The following ACBD6 variants were observed in gnomAD, a reference collection of about 807,000 sequenced individuals.
ACBD6 encodes the protein acyl-CoA binding domain containing 6.
ACBD6 carries 28 observed loss-of-function variants against 37.2 expected under a neutral mutation model. That is an observed-to-expected ratio of 0.75 (90% CI 0.56 to 1.03). The LOEUF is 1.03. Among genes scored for constraint, ACBD6 ranks in the 50% least tolerant of loss-of-function variants. The pLI, the probability that ACBD6 is intolerant of heterozygous loss-of-function variation, is 0.00. For synonymous variants in ACBD6, 113 were observed against 126.8 expected (o/e 0.89, Z 0.73); for missense variants, 340 against 337.4 (o/e 1.01, Z -0.06).
chr1:180,448,906 T>C (rs538666535), intron 3 of ACBD6, among the ~76,000 whole-genome samples: 3 of 152,290 alleles, frequency 2.0e-5, no homozygotes, highest in African/African-American at 7.2e-5. Flanking sequence ...TTGTTACAGA[T>C]ATTGCTCAAG....
At chr1:180,393,627 C>T (rs576900380) in intron 6 of ACBD6, among the ~76,000 whole-genome samples, 1 of 152,222 alleles carries the variant, frequency 6.6e-6, no homozygotes, top group South Asian at 2.1e-4. Flanking sequence ...ATTTGAAAAG[C>T]GTTTTCAATA....
chr1:180,404,887 C>T (rs1247514599), intron 5 of ACBD6, among the ~76,000 whole-genome samples: 1 of 152,174 alleles, frequency 6.6e-6, no homozygotes, highest in Non-Finnish European at 1.5e-5. Context: ...ATTTAAGCTA[C>T]TTTCACTATT....
At chr1:180,424,472 T>C (rs1648504744) in intron 4 of ACBD6, among the ~76,000 whole-genome samples, 2 of 152,086 alleles carry the variant, frequency 1.3e-5, no homozygotes, top group South Asian at 2.1e-4. Context: ...GCCAATGTGG[T>C]TGGAACAGAG....
chr1:180,493,874 T>C (rs1651624841), intron 2 of ACBD6, among the ~76,000 whole-genome samples: 1 of 152,240 alleles, frequency 6.6e-6, no homozygotes, highest in African/African-American at 2.4e-5. Flanking sequence ...CAATTTGAAT[T>C]TGTCTAATTG....
At chr1:180,436,614 G>A (rs965668634) in intron 3 of ACBD6, among the ~76,000 whole-genome samples, 1 of 152,144 alleles carries the variant, frequency 6.6e-6, no homozygotes, top group African/African-American at 2.4e-5. Flanking sequence ...CTGTATGATT[G>A]TAATCACATG....
chr1:180,443,247 C>G (rs1040013379), intron 3 of ACBD6, among the ~76,000 whole-genome samples: 4 of 152,162 alleles, frequency 2.6e-5, no homozygotes, highest in African/African-American at 9.7e-5. Context: ...AAGTGAAACC[C>G]TTCTGAAGCC....
intron 3 of ACBD6, among the ~76,000 whole-genome samples, chr1:180,449,748 C>T (rs1230145615): frequency 4.6e-5 from 7 of 151,606 alleles, no homozygotes; most frequent in Admixed American, 2.0e-4. Context: ...GAACATCACA[C>T]ACCGGGGCCT....
At chr1:180,487,707 C>G (rs1378980954) in intron 3 of ACBD6, among the ~76,000 whole-genome samples, 1 of 152,034 alleles carries the variant, frequency 6.6e-6, no homozygotes, top group Non-Finnish European at 1.5e-5. Context: ...AGAAAAAAAT[C>G]ATATGCTGAG....
intron 6 of ACBD6, among the ~76,000 whole-genome samples, chr1:180,330,254 A>ATTTTT (rs58036413): frequency 1.4e-5 from 2 of 143,460 alleles, no homozygotes; most frequent in African/African-American, 5.1e-5. Flanking sequence ...CTCTATAAGA[A>ATTTTT]TTTTTTTTTT....
chr1:180,349,521 C>T (rs556822627), intron 6 of ACBD6, among the ~76,000 whole-genome samples: 76 of 152,022 alleles, frequency 5.0e-4, no homozygotes, highest in Non-Finnish European at 9.1e-4. Context: ...TCCCAAAATG[C>T]TGGGATTACA....
chr1:180,438,968 T>C (rs1649171827), intron 3 of ACBD6, among the ~76,000 whole-genome samples: 1 of 152,188 alleles, frequency 6.6e-6, no homozygotes, highest in African/African-American at 2.4e-5. Context: ...CTAGTGATCT[T>C]TTCACTGCTT....
intron 6 of ACBD6, among the ~76,000 whole-genome samples, chr1:180,330,447 A>AACAG (rs1224898985): frequency 6.6e-6 from 1 of 151,934 alleles, no homozygotes; most frequent in East Asian, 1.9e-4. Flanking sequence ...CAAACAAACA[A>AACAG]AAAAACCAAA....
chr1:180,350,102 T>C lies in ACBD6; in HGVS notation c.664-35380A>G, dbSNP rs748905587. Among the ~76,000 whole-genome samples, 318 of 148,934 alleles carry C rather than the reference T, an allele frequency of 2.1e-3. 1 individual carries two copies. The highest frequency in any genetic ancestry group is 3.9e-3 in the Non-Finnish European group (265 of 67,646). ...GTACAGTGGTGCGATCATAGCTCAC[T>C]GCAGCCTCGATCTCCTGGGCTCAAG... On this transcript the variant is annotated intron_variant, in intron 6 of 7. Coordinates refer to ENST00000367595, the MANE Select transcript of ACBD6 (RefSeq NM_032360.4).
chr1:180,502,021 T>C lies in ACBD6; in HGVS notation c.222+24A>G, dbSNP rs745474950. ...GAAGGCTCCGTGTCTTTCTCCCCCA[T>C]CCACCCTCTCCCTGCTACTTTACCT... On this transcript the variant is annotated intron_variant, in intron 1 of 7. Coordinates refer to ENST00000367595, the MANE Select transcript of ACBD6 (RefSeq NM_032360.4). The C allele has an allele frequency of 5.0e-6, 8 of 1,609,636 alleles. No individual in the cohort carries two copies. In the South Asian group the frequency reaches 7.7e-5, roughly 16 times the overall value.
At position 180,490,541 on chromosome 1, in the gene ACBD6, C is replaced by T. The variant is rs186269619; in HGVS notation, c.384+1728G>A. Among the ~76,000 whole-genome samples the T allele has an allele frequency of 3.4e-3, 509 of 151,322 alleles. 5 individuals are homozygous for T. Among genetic ancestry groups the T allele is most frequent in the African/African-American group, 0.012 (496 of 41,258 alleles). On this transcript the variant is annotated intron_variant, in intron 3 of 7. Transcript: ENST00000367595. Reference sequence around the variant, plus strand: ...CTGTAATCCCAGCACTTTGGGAGGCCGAGGCGGGCAGATCACGAGGTCAGG... The same window carrying T: ...CTGTAATCCCAGCACTTTGGGAGGCTGAGGCGGGCAGATCACGAGGTCAGG...
intron 6 of ACBD6, among the ~76,000 whole-genome samples, chr1:180,355,552 T>C (rs1384601437): frequency 6.6e-6 from 1 of 152,218 alleles, no homozygotes; most frequent in Non-Finnish European, 1.5e-5. Flanking sequence ...TGAAGTCATG[T>C]TCAACTTCTC....
chr1:180,376,593 C>T (rs531600407), intron 6 of ACBD6, among the ~76,000 whole-genome samples: 4 of 152,120 alleles, frequency 2.6e-5, no homozygotes, highest in Non-Finnish European at 5.9e-5. Flanking sequence ...TAGTATGTTA[C>T]CTTTCATGTA....
At chr1:180,327,414 G>A (rs1265735523) in intron 6 of ACBD6, among the ~76,000 whole-genome samples, 1 of 152,302 alleles carries the variant, frequency 6.6e-6, no homozygotes, top group Non-Finnish European at 1.5e-5. Flanking sequence ...TGGTGTCAGC[G>A]ATTTAAGACT....
intron 2 of ACBD6, 51 bp from the exon 3 acceptor site, chr1:180,492,416 C>G (rs371702220): frequency 1.5e-6 from 2 of 1,377,232 alleles, no homozygotes; most frequent in African/African-American, 2.8e-5. Context: ...ATAACACAAA[C>G]AGCATTTTTC....
Sources: gnomAD v4.1 joint callset for allele counts (sites outside exome capture counted in the v4.1 genomes callset) on GRCh38, gnomAD v4.1.1 for gene constraint, MANE v1.5 for transcripts, NCBI Gene and HGNC (gene_info 2026-07-23, HGNC 2026-07-21) for gene names.